CTIF: variants seen among roughly 807,000 people sequenced by gnomAD.
CTIF encodes CBP80/20-dependent translation initiation factor.
In CTIF, 21 loss-of-function variants were observed where a neutral mutation model predicts 66.0. The observed-to-expected ratio is 0.32, with a 90% CI of 0.23 to 0.46. The LOEUF is 0.46. CTIF is among the 20% of genes least tolerant of loss of function. CTIF has a pLI of 1.00. For missense variants in CTIF, 739 were observed against 812.7 expected, an observed-to-expected ratio of 0.91 and a Z score of 1.10; for synonymous variants, 345 against 326.4, an observed-to-expected ratio of 1.06 and a Z score of -0.62.
At chr18:48,731,854 T>C (rs2092459250) in intron 7 of CTIF, among the ~76,000 whole-genome samples, 1 of 152,218 alleles carries the variant, frequency 6.6e-6, no homozygotes, top group South Asian at 2.1e-4. Flanking sequence ...AGAGAATAAA[T>C]CTTTCAGGTT....
chr18:48,581,612 G>A (rs1274485114), intron 1 of CTIF, among the ~76,000 whole-genome samples: 1 of 152,134 alleles, frequency 6.6e-6, no homozygotes, highest in African/African-American at 2.4e-5. Flanking sequence ...TCTGGGAGAA[G>A]GGTCCCCCCA....
chr18:48,621,545 C>T, intron 2 of CTIF: 1 of 388,352 alleles, frequency 2.6e-6, no homozygotes, highest in Non-Finnish European at 5.0e-6. Context: ...GCCTAGAGAC[C>T]AGTGAGGCAG....
intron 11 of CTIF, among the ~76,000 whole-genome samples, chr18:48,858,108 C>A (rs2146679846): frequency 6.6e-6 from 1 of 152,382 alleles, no homozygotes; most frequent in African/African-American, 2.4e-5. Context: ...TTCCTCTGGG[C>A]TCTCCCTTTA....
intron 6 of CTIF, among the ~76,000 whole-genome samples, chr18:48,706,408 C>G (rs1012689570): frequency 2.6e-5 from 4 of 152,166 alleles, no homozygotes; most frequent in African/African-American, 9.7e-5. Flanking sequence ...ACTCCTATCA[C>G]AGTGTCAGCT....
intron 7 of CTIF, among the ~76,000 whole-genome samples, chr18:48,718,952 C>G (rs539330714): frequency 1.3e-5 from 2 of 152,142 alleles, no homozygotes; most frequent in East Asian, 3.9e-4. Flanking sequence ...CTGACAGATG[C>G]GGCAACTGCA....
chr18:48,685,899 G>C (rs1348561074), intron 6 of CTIF, among the ~76,000 whole-genome samples: 1 of 151,656 alleles, frequency 6.6e-6, no homozygotes, highest in African/African-American at 2.4e-5. Context: ...CTGATCTCAA[G>C]CTCCTGACCT....
chr18:48,728,420 C>T (rs907994188), intron 7 of CTIF, among the ~76,000 whole-genome samples: 1 of 152,198 alleles, frequency 6.6e-6, no homozygotes, highest in African/African-American at 2.4e-5. Context: ...AATTACTCCC[C>T]AAATTTAGCA....
chr18:48,616,570 A>C (rs1448916622), intron 1 of CTIF, among the ~76,000 whole-genome samples: 54 of 152,162 alleles, frequency 3.5e-4, no homozygotes, highest in Non-Finnish European at 8.8e-5. Flanking sequence ...AAGTTACTTA[A>C]TCTCTCTGAA....
At chr18:48,625,061 C>T in intron 2 of CTIF, 1 of 213,414 alleles carries the variant, frequency 4.7e-6, no homozygotes, top group Non-Finnish European at 8.1e-6. Flanking sequence ...AGTTTCTCCT[C>T]TTTCTCTTTA....
intron 10 of CTIF, among the ~76,000 whole-genome samples, chr18:48,819,592 A>G (rs926351288): frequency 6.6e-6 from 1 of 152,178 alleles, no homozygotes; most frequent in Non-Finnish European, 1.5e-5. Context: ...GTGCCAGGAG[A>G]TGTGTGCAGA....
intron 1 of CTIF, among the ~76,000 whole-genome samples, chr18:48,551,937 A>G (rs1474492934): frequency 6.6e-6 from 1 of 152,018 alleles, no homozygotes; most frequent in Non-Finnish European, 1.5e-5. Flanking sequence ...AGCTGGGACT[A>G]CAGGCGCCCG....
chr18:48,794,726 G>A (rs771879552), intron 9 of CTIF, among the ~76,000 whole-genome samples: 1 of 152,236 alleles, frequency 6.6e-6, no homozygotes, highest in Non-Finnish European at 1.5e-5. Context: ...CTCTGGAGAT[G>A]CTTGTCAGAC....
chr18:48,578,525 G>A (rs59206405), intron 1 of CTIF, among the ~76,000 whole-genome samples: 10,649 of 152,256 alleles, frequency 0.07, 462 homozygotes, highest in African/African-American at 0.11. Flanking sequence ...CCTAGTGGGT[G>A]TAAAGTGGTA....
chr18:48,642,640 G>C (rs1029744638), intron 3 of CTIF, among the ~76,000 whole-genome samples: 2 of 152,110 alleles, frequency 1.3e-5, no homozygotes, highest in Non-Finnish European at 2.9e-5. Context: ...CTTTTTTCTT[G>C]TATCTTTCTC....
At chr18:48,680,933 G>C (rs1211306962) in intron 6 of CTIF, among the ~76,000 whole-genome samples, 2 of 152,210 alleles carry the variant, frequency 1.3e-5, no homozygotes, top group African/African-American at 2.4e-5. Context: ...CCCTGCTTCT[G>C]TCACTGGGAG....
At chr18:48,601,139 C>T (rs1181079310) in intron 1 of CTIF, among the ~76,000 whole-genome samples, 3 of 152,056 alleles carry the variant, frequency 2.0e-5, no homozygotes, top group Admixed American at 6.5e-5. Context: ...GTGTTAGGCC[C>T]GTTCTTTATC....
chr18:48,660,989 A>C (rs1412781389), intron 3 of CTIF, among the ~76,000 whole-genome samples: 1 of 152,154 alleles, frequency 6.6e-6, no homozygotes, highest in African/African-American at 2.4e-5. Context: ...TTGACATCCT[A>C]ATCTTGATTC....
chr18:48,615,986 G>C (rs2090392679), intron 1 of CTIF, among the ~76,000 whole-genome samples: 1 of 152,228 alleles, frequency 6.6e-6, no homozygotes, highest in East Asian at 1.9e-4. Context: ...TTATGGGTTT[G>C]GGGTGATGAC....
intron 7 of CTIF, among the ~76,000 whole-genome samples, chr18:48,724,776 C>A (rs573810897): frequency 6.6e-6 from 1 of 152,326 alleles, no homozygotes; most frequent in Admixed American, 6.5e-5. Context: ...TCATTCATGT[C>A]TGGAGGGCAA....
Sources: gnomAD v4.1 joint callset for allele counts (sites outside exome capture counted in the v4.1 genomes callset) on GRCh38, gnomAD v4.1.1 for gene constraint, MANE v1.5 for transcripts, NCBI Gene and HGNC (gene_info 2026-07-23, HGNC 2026-07-21) for gene names.